Variants in SLCO1B1 observed in about 807,000 individuals in gnomAD.
SLCO1B1 encodes OATP-2.
In SLCO1B1, 81 loss-of-function variants were observed where a neutral mutation model predicts 70.1. The ratio of observed to expected loss-of-function variants is 1.16; its 90% confidence interval spans 0.97 to 1.39. The LOEUF is 1.39. Ranked by LOEUF, SLCO1B1 falls within the 40% of genes most tolerant of loss-of-function variation. SLCO1B1 has a pLI of 0.00. For synonymous variants in SLCO1B1, 283 were observed against 271.5 expected (o/e 1.04, Z -0.42); for missense variants, 895 against 799.6 (o/e 1.12, Z -1.44).
chr12:21,181,455 G>A (rs1236042007), intron 7 of SLCO1B1, among the ~76,000 whole-genome samples: 1 of 152,040 alleles, frequency 6.6e-6, no homozygotes, highest in Non-Finnish European at 1.5e-5. Context: ...TTATGACATG[G>A]TATGATCATA....
intron 1 of SLCO1B1, among the ~76,000 whole-genome samples, chr12:21,137,155 G>A (rs1940235774): frequency 6.6e-6 from 1 of 152,184 alleles, no homozygotes; most frequent in Admixed American, 6.5e-5. Flanking sequence ...GGATATTGGT[G>A]AACCACAAAT....
intron 7 of SLCO1B1, among the ~76,000 whole-genome samples, chr12:21,195,572 C>A (rs911454249): frequency 2.0e-5 from 3 of 152,074 alleles, no homozygotes; most frequent in Non-Finnish European, 4.4e-5. Flanking sequence ...ATATGCCTAG[C>A]CCCAAGATAG....
chr12:21,196,249 T>C (rs1444016607), intron 7 of SLCO1B1, among the ~76,000 whole-genome samples: 1 of 152,012 alleles, frequency 6.6e-6, no homozygotes, highest in East Asian at 1.9e-4. Context: ...ATAACTCATA[T>C]TGGCTTTTTT....
chr12:21,168,875 G>C lies in SLCO1B1; in HGVS notation c.85-3775G>C, dbSNP rs147504608. ...TTTCTTTTATGTGCAGATGATTTAA[G>C]TTTGATATAGTCTGATTTGTGTATT... On this transcript the variant is annotated intron_variant, in intron 2 of 14. Coordinates refer to ENST00000256958, the MANE Select transcript of SLCO1B1 (RefSeq NM_006446.5). Among the ~76,000 whole-genome samples the C allele has an allele frequency of 4.6e-5, 7 of 152,236 alleles. No homozygotes were observed. In the East Asian group the frequency reaches 1.4e-3, roughly 29 times the overall value.
intron 12 of SLCO1B1, 59 bp from the exon 13 acceptor site, chr12:21,222,238 ATGT>A (rs1941429979): frequency 6.3e-6 from 5 of 795,060 alleles, no homozygotes; most frequent in Admixed American, 2.1e-5. Context: ...AGAAGGTTTA[ATGT>A]TGTTTCGTTT....
At chr12:21,149,710 C>A (rs1202688529) in intron 2 of SLCO1B1, among the ~76,000 whole-genome samples, 3 of 152,128 alleles carry the variant, frequency 2.0e-5, no homozygotes, top group Non-Finnish European at 4.4e-5. Context: ...CACTGGCAGA[C>A]CAGGAGATTC....
At chr12:21,133,063 T>G (rs553071598) in intron 1 of SLCO1B1, among the ~76,000 whole-genome samples, 1 of 152,262 alleles carries the variant, frequency 6.6e-6, no homozygotes, top group South Asian at 2.1e-4. Context: ...CTTGCCAGTT[T>G]TCCCAGCATC....
In SLCO1B1 at chr12:21,154,712, G is replaced by A. The variant is rs146567464; in HGVS notation, c.84+13054G>A. On this transcript the variant is annotated intron_variant, in intron 2 of 14. Transcript: ENST00000256958. ...ATTTATCAAGTATTTTATTCACTTT[G>A]CTTTACAAATCTCATGCAACACCTT... 7.9e-4 allele frequency among the ~76,000 whole-genome samples: 120 copies of A among 151,510 alleles called. 1 individual carries two copies. The East Asian group carries it at 0.021, about 26-fold the overall frequency.
chr12:21,222,869 G>T (rs1026558723), intron 13 of SLCO1B1, among the ~76,000 whole-genome samples: 4 of 152,196 alleles, frequency 2.6e-5, no homozygotes, highest in African/African-American at 9.6e-5. Context: ...TGAAGAAATT[G>T]TCTAAGAAGC....
chr12:21,226,341 G>A (rs1366131607), intron 14 of SLCO1B1, among the ~76,000 whole-genome samples: 1 of 151,926 alleles, frequency 6.6e-6, no homozygotes, highest in African/African-American at 2.4e-5. Flanking sequence ...TTGAACCCAG[G>A]AGGCGGAGGT....
At chr12:21,183,919 T>TA (rs1299396412) in intron 7 of SLCO1B1, among the ~76,000 whole-genome samples, 4 of 151,248 alleles carry the variant, frequency 2.6e-5, no homozygotes, top group South Asian at 2.1e-4. Flanking sequence ...CTTCTGGAAT[T>TA]AAAAAAAATA....
At chr12:21,230,434 G>A (rs1206428682) in intron 14 of SLCO1B1, among the ~76,000 whole-genome samples, 4 of 148,678 alleles carry the variant, frequency 2.7e-5, no homozygotes, top group African/African-American at 5.0e-5. Context: ...AGGTTCAAGC[G>A]ATTCTCCTGC....
At chr12:21,215,114 A>G (rs908835174) in intron 11 of SLCO1B1, among the ~76,000 whole-genome samples, 1 of 152,048 alleles carries the variant, frequency 6.6e-6, no homozygotes, top group Non-Finnish European at 1.5e-5. Context: ...ATATAGAATC[A>G]TATCATAGTG....
intron 2 of SLCO1B1, among the ~76,000 whole-genome samples, chr12:21,149,706 C>T (rs1199673536): frequency 6.6e-6 from 1 of 152,164 alleles, no homozygotes; most frequent in Non-Finnish European, 1.5e-5. Context: ...TTGCCACTGG[C>T]AGACCAGGAG....
intron 2 of SLCO1B1, among the ~76,000 whole-genome samples, chr12:21,145,908 A>G (rs191342139): frequency 1.6e-4 from 25 of 152,206 alleles, no homozygotes; most frequent in Non-Finnish European, 2.1e-4. Context: ...CAGTTTAAGG[A>G]CTTACTTGTA....
At chr12:21,138,043 T>A (rs1591794913) in intron 1 of SLCO1B1, among the ~76,000 whole-genome samples, 1 of 152,340 alleles carries the variant, frequency 6.6e-6, no homozygotes, top group East Asian at 1.9e-4. Context: ...CCTTCTCCAA[T>A]TCAGAAAGTT....
intron 11 of SLCO1B1, among the ~76,000 whole-genome samples, chr12:21,215,946 A>G (rs1214946294): frequency 6.6e-6 from 1 of 152,038 alleles, no homozygotes; most frequent in Non-Finnish European, 1.5e-5. Flanking sequence ...TGGTTGTTGG[A>G]TGGTTCATTT....
intron 2 of SLCO1B1, among the ~76,000 whole-genome samples, chr12:21,169,179 G>T (rs930963413): frequency 7.2e-5 from 11 of 152,192 alleles, no homozygotes; most frequent in Non-Finnish European, 1.5e-4. Context: ...CTCTGTTTGT[G>T]TGTAACTTTT....
At chr12:21,190,023 G>C (rs1941011053) in intron 7 of SLCO1B1, among the ~76,000 whole-genome samples, 1 of 152,138 alleles carries the variant, frequency 6.6e-6, no homozygotes, top group South Asian at 2.1e-4. Context: ...AGATCAGTCA[G>C]AGTGGTGGAA....
Sources: gnomAD v4.1 joint callset for allele counts (sites outside exome capture counted in the v4.1 genomes callset) on GRCh38, gnomAD v4.1.1 for gene constraint, MANE v1.5 for transcripts, NCBI Gene and HGNC (gene_info 2026-07-23, HGNC 2026-07-21) for gene names.